Variants in ADGRE3 observed in about 807,000 individuals in gnomAD.
ADGRE3 encodes adhesion G protein-coupled receptor E3, also known as EGF-like module receptor 3.
Under a neutral mutation model 80.1 loss-of-function variants are expected in ADGRE3, and 88 were observed. That is an observed-to-expected ratio of 1.10 (90% CI 0.93 to 1.31). The LOEUF (loss-of-function observed/expected upper bound fraction) is 1.31. ADGRE3 is among the 40% of genes most tolerant of loss of function. The probability of loss-of-function intolerance (pLI) is 0.00; values close to 1 mark genes in which losing one functional copy is unlikely to be tolerated. For missense variants in ADGRE3, 715 were observed against 776.5 expected, an observed-to-expected ratio of 0.92 and a Z score of 0.94; for synonymous variants, 281 against 294.8, an observed-to-expected ratio of 0.95 and a Z score of 0.48.
downstream of ADGRE3, among the ~76,000 whole-genome samples, chr19:14,617,394 C>CT (rs1296860651): frequency 2.9e-5 from 3 of 103,622 alleles, no homozygotes; most frequent in Admixed American, 1.3e-4. Context: ...TTCTTTCTTT[C>CT]TTTCTTTTCT....
intron 11 of ADGRE3, among the ~76,000 whole-genome samples, chr19:14,636,067 T>TTTCCTTTCCC (rs1971046189): frequency 8.0e-6 from 1 of 124,602 alleles, no homozygotes; most frequent in African/African-American, 2.9e-5. Context: ...CTTCCTTTCC[T>TTTCCTTTCCC]TTCCTTTCCT....
chr19:14,628,013 A>G (rs1031828431), intron 14 of ADGRE3, among the ~76,000 whole-genome samples: 4 of 151,886 alleles, frequency 2.6e-5, no homozygotes, highest in African/African-American at 9.7e-5. Flanking sequence ...CTGTAATCCC[A>G]GCTACTCAGG....
chr19:14,661,472 A>G (rs1971942383), intron 4 of ADGRE3, among the ~76,000 whole-genome samples: 1 of 152,162 alleles, frequency 6.6e-6, no homozygotes, highest in Non-Finnish European at 1.5e-5. Context: ...TGTTAGCCTG[A>G]GTGAGTTTCT....
intron 11 of ADGRE3, among the ~76,000 whole-genome samples, chr19:14,636,923 A>G (rs539931306): frequency 2.6e-5 from 4 of 152,132 alleles, no homozygotes; most frequent in African/African-American, 7.2e-5. Context: ...GTGAAACCCC[A>G]TCTCTACTAA....
At chr19:14,607,003 C>G in the ADGRE3 span, 1 of 1,284,798 alleles carries the variant, frequency 7.8e-7, no homozygotes, top group South Asian at 2.6e-5. Context: ...AATTTTGTGG[C>G]CAAGGCCCAT....
At chr19:14,659,415 T>G (rs1218264862) in intron 4 of ADGRE3, among the ~76,000 whole-genome samples, 2 of 152,116 alleles carry the variant, frequency 1.3e-5, no homozygotes, top group Non-Finnish European at 2.9e-5. Context: ...ATTAGAAGCC[T>G]CTTGTGTTTA....
At chr19:14,655,716 C>T (rs1971736186) in intron 5 of ADGRE3, among the ~76,000 whole-genome samples, 2 of 151,978 alleles carry the variant, frequency 1.3e-5, no homozygotes, top group Admixed American at 6.6e-5. Flanking sequence ...CCTGCCTTGG[C>T]CTTCCAAAGT....
At chr19:14,634,272 A>C (rs1970971119) in intron 11 of ADGRE3, among the ~76,000 whole-genome samples, 1 of 152,224 alleles carries the variant, frequency 6.6e-6, no homozygotes, top group Admixed American at 6.5e-5. Context: ...GGATGCTGCA[A>C]CATAAAAAAT....
chr19:14,632,327 G>A (rs1473722265), intron 13 of ADGRE3, among the ~76,000 whole-genome samples: 1 of 152,148 alleles, frequency 6.6e-6, no homozygotes, highest in Admixed American at 6.5e-5. Flanking sequence ...ATACTCCTGT[G>A]TGTATCTTGT....
intron 14 of ADGRE3, among the ~76,000 whole-genome samples, chr19:14,626,094 A>G (rs1599604490): frequency 1.4e-5 from 2 of 141,990 alleles, no homozygotes; most frequent in East Asian, 3.9e-4. Flanking sequence ...TTTATATTAT[A>G]TATGTTTTAC....
At position 14,620,487 on chromosome 19, in the gene ADGRE3, A is replaced by ATATTCATG. The variant is rs1970531256; in HGVS notation, c.1921-1017_1921-1016insCATGAATA. Among the ~76,000 whole-genome samples, 3 of 29,126 alleles carry ATATTCATG rather than the reference A, an allele frequency of 1.0e-4. 1 individual carries two copies. Among genetic ancestry groups the ATATTCATG allele is most frequent in the Non-Finnish European group, 1.4e-4 (2 of 14,674 alleles). 19.1% of individuals were successfully genotyped at this position (29,126 alleles called of 152,430 possible). Reference sequence around the variant, plus strand: ...ATGAATATATTATGAGTACATATGAATATATATGAATATATGAATATATTA... The same window carrying ATATTCATG: ...ATGAATATATTATGAGTACATATGAATATTCATGTATATATGAATATATGAATATATTA... On this transcript the variant is annotated intron_variant, in intron 15 of 15. Transcript: ENST00000253673.
At chr19:14,661,508 T>C (rs932552720) in intron 4 of ADGRE3, among the ~76,000 whole-genome samples, 1 of 152,186 alleles carries the variant, frequency 6.6e-6, no homozygotes, top group Non-Finnish European at 1.5e-5. Context: ...AAGAATGTGG[T>C]CTCAATCACC....
Position 14,647,187 on chromosome 19 carries a change from G to A in ADGRE3, c.876C>T (p.His292=), listed in dbSNP as rs561414450. The A allele has an allele frequency of 5.6e-5, 90 of 1,613,446 alleles. No homozygotes were observed. The highest frequency in any genetic ancestry group is 9.9e-5 in the South Asian group (9 of 91,058). The part of the protein sequence containing the change: ...LSKSVTLTFQ[H]VKMTPSTKKV... The stretch of plus-strand genomic sequence containing the variant: ...AATCATACCTGTGACCCACCTTCAC[G>A]TGCTGGAAAGTCAGCGTCACAGACT... Residue 292 remains histidine, a synonymous_variant, in exon 8 of 16, where the codon CAC becomes CAT. Transcript: ENST00000253673.
chr19:14,658,573 G>A, intron 4 of ADGRE3, 23 bp from the exon 5 acceptor site: 1 of 1,541,596 alleles, frequency 6.5e-7, no homozygotes, highest in South Asian at 1.2e-5. Context: ...TCATGATGGA[G>A]TTACTATTGG....
At chr19:14,645,753 C>T (rs1240903375) in intron 8 of ADGRE3, among the ~76,000 whole-genome samples, 2 of 152,030 alleles carry the variant, frequency 1.3e-5, no homozygotes, top group African/African-American at 4.8e-5. Flanking sequence ...GGGAGGGTTG[C>T]TTGAGGCCAG....
chr19:14,610,335 C>A, the ADGRE3 span: 1 of 1,234,856 alleles, frequency 8.1e-7, no homozygotes, highest in Non-Finnish European at 1.1e-6. Flanking sequence ...CTGGATGCAG[C>A]AAGTTCCCAG....
intron 2 of ADGRE3, among the ~76,000 whole-genome samples, chr19:14,665,922 A>G (rs1258388633): frequency 7.9e-6 from 1 of 127,074 alleles, no homozygotes; most frequent in Non-Finnish European, 1.7e-5. Context: ...TATATTGCAT[A>G]TACACACATA....
At chr19:14,662,903 CAAAAAAAA>C (rs1209543540) in intron 3 of ADGRE3, among the ~76,000 whole-genome samples, 11 of 92,590 alleles carry the variant, frequency 1.2e-4, no homozygotes, top group African/African-American at 1.9e-4. Flanking sequence ...TCCATCTCTA[CAAAAAAAA>C]AAAAAAAAAA....
intron 15 of ADGRE3, among the ~76,000 whole-genome samples, chr19:14,624,736 C>T (rs910753182): frequency 6.9e-6 from 1 of 144,244 alleles, no homozygotes; most frequent in Non-Finnish European, 1.5e-5. Context: ...GCCTGGGTGA[C>T]AGAGCAAGAC....
Sources: gnomAD v4.1 joint callset for allele counts (sites outside exome capture counted in the v4.1 genomes callset) on GRCh38, gnomAD v4.1.1 for gene constraint, MANE v1.5 for transcripts, NCBI Gene and HGNC (gene_info 2026-07-23, HGNC 2026-07-21) for gene names.